The following COPS4 variants were observed in gnomAD, a reference collection of about 807,000 sequenced individuals.
COPS4 encodes the protein COP9 signalosome subunit 4.
A neutral mutation model predicts 55.1 loss-of-function variants in COPS4; 8 were observed. The ratio of observed to expected loss-of-function variants is 0.15; its 90% confidence interval spans 0.09 to 0.26. The LOEUF (loss-of-function observed/expected upper bound fraction) is 0.26. Among genes scored for constraint, COPS4 ranks in the 10% least tolerant of loss-of-function variants. COPS4 has a pLI of 1.00. For synonymous variants in COPS4, 185 were observed against 165.7 expected, an observed-to-expected ratio of 1.12 and a Z score of -0.90; for missense variants, 248 against 484.0, an observed-to-expected ratio of 0.51 and a Z score of 4.58.
At chr4:83,055,137 C>G (rs1438985112) in intron 4 of COPS4, among the ~76,000 whole-genome samples, 2 of 152,204 alleles carry the variant, frequency 1.3e-5, no homozygotes, top group African/African-American at 4.8e-5. Flanking sequence ...ACTCTGTGTT[C>G]TTGCCACATG....
rs1166081320 is a variant in COPS4 at position 83,049,995 on chromosome 4, T to C, written c.410+11T>C. 6.7e-7 allele frequency: 1 copy of C among 1,491,582 alleles called. No homozygotes were observed. Among genetic ancestry groups the C allele is most frequent in the Non-Finnish European group, 9.3e-7 (1 of 1,076,034 alleles). The allele number at this position is 1,491,582 out of a possible 1,614,324, so 92.4% of individuals were successfully genotyped here. A position where few individuals can be genotyped will look rare whatever the true frequency, so the allele number is the denominator to read the frequency against. On this transcript the variant is annotated intron_variant, in intron 4 of 9. Transcript: ENST00000264389. ...GGAAACAGGACAAAAGTATAGTAAA[T>C]AGTGGATATTGGATGACTATATATA...
chr4:83,048,649 T>G (rs1730782348), intron 2 of COPS4, among the ~76,000 whole-genome samples: 1 of 152,122 alleles, frequency 6.6e-6, no homozygotes, highest in Admixed American at 6.6e-5. Context: ...ATTAATGAAT[T>G]AATTAATTTT....
chr4:83,063,059 T>C lies in COPS4; in HGVS notation c.716-17T>C. The C allele has an allele frequency of 6.6e-7, 1 of 1,512,540 alleles. No individual in the cohort carries two copies. Among genetic ancestry groups the C allele is most frequent in the Non-Finnish European group, 8.8e-7 (1 of 1,135,908 alleles). The allele number at this position is 1,512,540 out of a possible 1,614,324, so 93.7% of individuals were successfully genotyped here. A position where few individuals can be genotyped will look rare whatever the true frequency, so the allele number is the denominator to read the frequency against. ...AAAATAACATTGTGAAATTTGATGC[T>C]CATTTATTTCTCTTAGGGCAGCAGC... is the stretch of plus-strand genomic sequence containing the variant. On this transcript the variant is annotated splice_polypyrimidine_tract_variant and intron_variant, in intron 6 of 9. Transcript: ENST00000264389.
chr4:83,056,083 A>G (rs2868738), intron 4 of COPS4, among the ~76,000 whole-genome samples: 37,659 of 151,596 alleles, frequency 0.25, 4,969 homozygotes, highest in East Asian at 0.51. Context: ...TGTGGTGCCA[A>G]CCATGCCCGG....
intron 9 of COPS4, among the ~76,000 whole-genome samples, chr4:83,073,726 G>A (rs1286036174): frequency 1.3e-5 from 2 of 151,038 alleles, no homozygotes; most frequent in Admixed American, 6.6e-5. Context: ...AGGCTGAGGC[G>A]GGCGGATCAC....
At chr4:83,069,370 T>G (rs1731364856) in intron 9 of COPS4, among the ~76,000 whole-genome samples, 1 of 152,234 alleles carries the variant, frequency 6.6e-6, no homozygotes, top group Non-Finnish European at 1.5e-5. Context: ...TCAGTTCAAT[T>G]CTTCCTTGAC....
chr4:83,067,589 C>A (rs1731321336), intron 8 of COPS4, among the ~76,000 whole-genome samples: 1 of 150,264 alleles, frequency 6.7e-6, no homozygotes, highest in South Asian at 2.1e-4. Context: ...GTCTTGAACT[C>A]CTGGTCCCAA....
At chr4:83,047,114 A>G (rs1730737036) in intron 2 of COPS4, among the ~76,000 whole-genome samples, 1 of 152,268 alleles carries the variant, frequency 6.6e-6, no homozygotes, top group African/African-American at 2.4e-5. Flanking sequence ...CTTAAAACTT[A>G]AAAGGTTACT....
chr4:83,047,568 CAT>C (rs145713251), intron 2 of COPS4, among the ~76,000 whole-genome samples: 125 of 151,388 alleles, frequency 8.3e-4, no homozygotes, highest in African/African-American at 1.4e-3. Flanking sequence ...AATTAAAAAA[CAT>C]ATATATATAT....
Position 83,075,501 on chromosome 4 carries a change from G to C in COPS4, c.*71G>C. 2 of 1,555,190 alleles carry C rather than the reference G, an allele frequency of 1.3e-6. No individual in the cohort carries two copies. Among genetic ancestry groups the C allele is most frequent in the South Asian group, 2.3e-5 (2 of 87,212 alleles). ...GCAGATCAGTTTCACTATCTCCAAA[G>C]CATTTGCATCATGACCTTATACATT... On this transcript the variant is annotated 3_prime_UTR_variant, in exon 10 of 10. Coordinates refer to ENST00000264389, the MANE Select transcript of COPS4 (RefSeq NM_016129.3).
intron 9 of COPS4, among the ~76,000 whole-genome samples, chr4:83,068,751 C>G (rs1043604305): frequency 6.6e-6 from 1 of 152,156 alleles, no homozygotes; most frequent in African/African-American, 2.4e-5. Flanking sequence ...AGGTGGATCA[C>G]TTGAGGTCAG....
intron 4 of COPS4, among the ~76,000 whole-genome samples, chr4:83,053,244 A>G (rs572500619): frequency 6.6e-6 from 1 of 152,304 alleles, no homozygotes; most frequent in Non-Finnish European, 1.5e-5. Context: ...TTTTCCCATC[A>G]CATTTCAGCT....
chr4:83,048,205 AG>A, intron 2 of COPS4, among the ~76,000 whole-genome samples: 1 of 152,338 alleles, frequency 6.6e-6, no homozygotes, highest in East Asian at 1.9e-4. Flanking sequence ...ATGAGGAAAC[AG>A]AAGCACAGAG....
At chr4:83,054,186 T>TA (rs1730960142) in intron 4 of COPS4, among the ~76,000 whole-genome samples, 1 of 151,790 alleles carries the variant, frequency 6.6e-6, no homozygotes, top group South Asian at 2.1e-4. Context: ...ACTAAAAATA[T>TA]AAAAAATTAG....
intron 4 of COPS4, among the ~76,000 whole-genome samples, chr4:83,054,523 C>T (rs1730968827): frequency 6.6e-6 from 1 of 152,100 alleles, no homozygotes; most frequent in South Asian, 2.1e-4. Context: ...CAATGATGCT[C>T]CTTGAAAAAG....
chr4:83,059,169 A>T (rs555284594), intron 6 of COPS4, among the ~76,000 whole-genome samples: 1 of 152,226 alleles, frequency 6.6e-6, no homozygotes, highest in Non-Finnish European at 1.5e-5. Flanking sequence ...CTCTTTAGAT[A>T]TGAAGGAAAA....
intron 1 of COPS4, among the ~76,000 whole-genome samples, chr4:83,036,946 A>G (rs1391234687): frequency 6.6e-6 from 1 of 152,224 alleles, no homozygotes; most frequent in East Asian, 1.9e-4. Flanking sequence ...GATAAACAAT[A>G]GTACTTAAAG....
chr4:83,065,867 G>GT (rs915722815), intron 7 of COPS4, among the ~76,000 whole-genome samples: 7 of 152,170 alleles, frequency 4.6e-5, no homozygotes, highest in African/African-American at 1.7e-4. Context: ...AGAAAGAAAA[G>GT]TTAATGGGCT....
intron 7 of COPS4, among the ~76,000 whole-genome samples, chr4:83,063,897 C>T (rs575073392): frequency 2.0e-5 from 3 of 152,078 alleles, no homozygotes; most frequent in Non-Finnish European, 4.4e-5. Flanking sequence ...TTAGTAGAGA[C>T]GGATGTTGCT....
Sources: allele counts gnomAD v4.1 joint callset (sites outside exome capture counted in the v4.1 genomes callset), GRCh38; gene constraint gnomAD v4.1.1; transcripts MANE v1.5; gene names NCBI Gene and HGNC (gene_info 2026-07-23, HGNC 2026-07-21).